The following EXOC2 variants were observed in gnomAD, a reference collection of about 807,000 sequenced individuals.
EXOC2 encodes the protein SEC5-like 1.
A neutral mutation model predicts 131.8 loss-of-function variants in EXOC2; 70 were observed. The ratio of observed to expected loss-of-function variants is 0.53; its 90% CI spans 0.44 to 0.65. The LOEUF (loss-of-function observed/expected upper bound fraction) is 0.65. Ranked by LOEUF, EXOC2 falls within the 30% of genes least tolerant of loss-of-function variation. The probability of loss-of-function intolerance (pLI) is 0.00; values close to 1 mark genes in which losing one functional copy is unlikely to be tolerated. For synonymous variants in EXOC2, 411 were observed against 398.4 expected (o/e 1.03, Z -0.38); for missense variants, 923 against 1,108.6 (o/e 0.83, Z 2.38).
chr6:670,802 A>C lies in EXOC2; in HGVS notation c.-44+22217T>G, dbSNP rs866900156. ...TTATTAACATCTATAGAGCTGAGAG[A>C]AAGACATATTTTCATTTCTTATTTA... is the stretch of plus-strand genomic sequence containing the variant. On this transcript the variant is annotated intron_variant, in intron 1 of 27. Transcript: ENST00000230449. Among the ~76,000 whole-genome samples, 46 of 152,334 alleles carry C rather than the reference A, an allele frequency of 3.0e-4. No homozygotes were observed. In the Middle Eastern group the frequency reaches 0.01, roughly 34 times the overall value.
intron 13 of EXOC2, among the ~76,000 whole-genome samples, chr6:566,127 C>A (rs1299734491): frequency 1.3e-5 from 2 of 152,160 alleles, no homozygotes; most frequent in Non-Finnish European, 2.9e-5. Flanking sequence ...AAAAACTAAA[C>A]CTGCAATCCA....
At position 598,076 on chromosome 6, in the gene EXOC2, G is replaced by A; in HGVS notation, c.1018C>T (p.Leu340=). ...GATGGTGTCTCAAGCAATTTATCCA[G>A]AAGTAATTCTCTTAAAGCTTCAATC... ...TRIEALRELL[L]DKLLETPSTL... Residue 340 remains leucine (L), a synonymous_variant, in exon 10 of 28, where the codon CTG becomes TTG. Transcript: ENST00000230449. 3 of 1,613,832 alleles carry A rather than the reference G, an allele frequency of 1.9e-6. No homozygotes were observed. Among genetic ancestry groups the A allele is most frequent in the Non-Finnish European group, 2.5e-6 (3 of 1,179,838 alleles).
In EXOC2 at chr6:666,973, G is replaced by C. The variant is rs1367758247; in HGVS notation, c.-44+26046C>G. Among the ~76,000 whole-genome samples the C allele has an allele frequency of 2.1e-5, 2 of 94,428 alleles. 1 individual carries two copies. Among genetic ancestry groups the C allele is most frequent in the South Asian group, 6.9e-4 (2 of 2,900 alleles). The allele number at this position is 94,428 out of a possible 152,430, so 61.9% of individuals were successfully genotyped here. The stretch of plus-strand genomic sequence containing the variant: ...TAACACTTTCCCATTCATGGATAGT[G>C]GAAGTACCTTATAACAAAGTATTCC... On this transcript the variant is annotated intron_variant, in intron 1 of 27. Transcript: ENST00000230449.
chr6:620,442 T>C (rs1761228529), intron 4 of EXOC2, among the ~76,000 whole-genome samples: 1 of 152,200 alleles, frequency 6.6e-6, no homozygotes, highest in African/African-American at 2.4e-5. Flanking sequence ...GGGTTTACTT[T>C]GTTCGTCTGA....
chr6:584,982 G>C (rs750553912), intron 11 of EXOC2, among the ~76,000 whole-genome samples: 3 of 152,180 alleles, frequency 2.0e-5, no homozygotes, highest in African/African-American at 7.2e-5. Context: ...TTAACCAAAG[G>C]CTTTTCCTGG....
intron 1 of EXOC2, among the ~76,000 whole-genome samples, chr6:658,668 T>TTTATATATATATATATATATATATA (rs1561983465): frequency 3.9e-5 from 5 of 128,024 alleles, no homozygotes; most frequent in East Asian, 4.0e-4. Context: ...TATATATATT[T>TTTATATATATATATATATATATATA]TTTTTTTTTT....
intron 22 of EXOC2, among the ~76,000 whole-genome samples, chr6:533,843 C>T (rs902715566): frequency 1.3e-5 from 2 of 152,114 alleles, no homozygotes; most frequent in Non-Finnish European, 2.9e-5. Context: ...GGCTTCTCTC[C>T]AATGCCAGGC....
intron 2 of EXOC2, 49 bp downstream of exon 2, chr6:637,652 C>A: frequency 7.1e-7 from 1 of 1,417,482 alleles, no homozygotes; most frequent in Non-Finnish European, 9.7e-7. Context: ...CTCCCTTGTC[C>A]ACATAAAAAT....
intron 17 of EXOC2, among the ~76,000 whole-genome samples, chr6:561,296 T>G (rs1278914981): frequency 2.0e-5 from 3 of 152,130 alleles, no homozygotes; most frequent in Non-Finnish European, 4.4e-5. Context: ...CCTCTGTGAA[T>G]TCCACCAATG....
chr6:508,046 AT>A (rs892032135), intron 23 of EXOC2, among the ~76,000 whole-genome samples: 1 of 152,126 alleles, frequency 6.6e-6, no homozygotes, highest in Non-Finnish European at 1.5e-5. Context: ...CTATGAATAT[AT>A]TTTTTTCCTA....
At chr6:610,959 T>C (rs1760683867) in intron 6 of EXOC2, among the ~76,000 whole-genome samples, 1 of 152,232 alleles carries the variant, frequency 6.6e-6, no homozygotes, top group South Asian at 2.1e-4. Flanking sequence ...CTTGGTTGAC[T>C]TGGAGTGAGG....
intron 1 of EXOC2, chr6:656,845 C>T (rs753225884): frequency 1.2e-6 from 2 of 1,610,690 alleles, no homozygotes; most frequent in African/African-American, 1.3e-5. Flanking sequence ...TCAGGGCGCA[C>T]GCGGAGCACG....
chr6:628,170 C>A (rs1761674305), intron 4 of EXOC2, among the ~76,000 whole-genome samples: 1 of 152,178 alleles, frequency 6.6e-6, no homozygotes, highest in Middle Eastern at 3.2e-3. Context: ...CCTGAGGAAA[C>A]TGAGGCAAAA....
chr6:574,687 A>G (rs1327784690), intron 12 of EXOC2, among the ~76,000 whole-genome samples: 2 of 152,242 alleles, frequency 1.3e-5, no homozygotes, highest in African/African-American at 4.8e-5. Flanking sequence ...ATATTTATTG[A>G]GGATTAACCG....
chr6:689,314 G>A (rs1257302099), intron 1 of EXOC2: 2 of 152,214 alleles, frequency 1.3e-5, no homozygotes, highest in Admixed American at 1.3e-4. Context: ...GGGAATTAAG[G>A]TAAAGGATGT....
At chr6:565,927 G>A (rs1014583923) in intron 13 of EXOC2, among the ~76,000 whole-genome samples, 4 of 152,146 alleles carry the variant, frequency 2.6e-5, no homozygotes, top group Non-Finnish European at 5.9e-5. Context: ...ATATGGGTTA[G>A]GATTGTTGGG....
intron 13 of EXOC2, among the ~76,000 whole-genome samples, chr6:566,639 G>A (rs1042572452): frequency 3.9e-5 from 6 of 152,180 alleles, no homozygotes; most frequent in Non-Finnish European, 7.4e-5. Context: ...TCACTGAGGT[G>A]ACAAATAGCT....
chr6:664,360 T>C (rs922015588), intron 1 of EXOC2, among the ~76,000 whole-genome samples: 2 of 152,082 alleles, frequency 1.3e-5, no homozygotes, highest in East Asian at 3.9e-4. Context: ...ATTGTGAAAA[T>C]GACCATACTG....
At chr6:665,294 T>A (rs1303873439) in intron 1 of EXOC2, among the ~76,000 whole-genome samples, 1 of 152,130 alleles carries the variant, frequency 6.6e-6, no homozygotes, top group Non-Finnish European at 1.5e-5. Context: ...TACATGTTGG[T>A]GTAGATGCGG....
Sources: allele counts gnomAD v4.1 joint callset (sites outside exome capture counted in the v4.1 genomes callset), GRCh38; gene constraint gnomAD v4.1.1; transcripts MANE v1.5; gene names NCBI Gene and HGNC (gene_info 2026-07-23, HGNC 2026-07-21).